SEZ6: variants seen among roughly 807,000 people sequenced by gnomAD.
SEZ6 encodes seizure related 6 homolog.
A neutral mutation model predicts 101.0 loss-of-function variants in SEZ6; 53 were observed. The ratio of observed to expected loss-of-function variants is 0.52; its 90% CI spans 0.42 to 0.66. SEZ6 has a LOEUF of 0.66. Among genes scored for constraint, SEZ6 ranks in the 30% least tolerant of loss-of-function variants. The probability of loss-of-function intolerance (pLI) is 0.00; values close to 1 mark genes in which losing one functional copy is unlikely to be tolerated. For synonymous variants in SEZ6, 488 were observed against 512.2 expected, an observed-to-expected ratio of 0.95 and a Z score of 0.64; for missense variants, 1,102 against 1,289.4, an observed-to-expected ratio of 0.85 and a Z score of 2.23.
chr17:28,986,597 T>C (rs2041387716), intron 1 of SEZ6, among the ~76,000 whole-genome samples: 1 of 152,178 alleles, frequency 6.6e-6, no homozygotes, highest in Non-Finnish European at 1.5e-5. Flanking sequence ...CTGGAGTCAT[T>C]ACGCAGTGCC....
chr17:28,982,096 G>T (rs959820975), intron 1 of SEZ6, 57 bp from the exon 2 acceptor site: 2 of 1,503,264 alleles, frequency 1.3e-6, no homozygotes, highest in South Asian at 1.3e-5. Context: ...GCAGCATCAC[G>T]CCCAACTCGA....
intron 3 of SEZ6, among the ~76,000 whole-genome samples, chr17:28,972,388 T>G (rs2041163717): frequency 6.6e-6 from 1 of 152,206 alleles, no homozygotes; most frequent in Non-Finnish European, 1.5e-5. Context: ...TCCAAGGATA[T>G]GGCTGCTGCG....
Position 28,986,180 on chromosome 17 carries a change from A to T in SEZ6, c.56-4141T>A, listed in dbSNP as rs2041380369. On this transcript the variant is annotated intron_variant, in intron 1 of 16. Coordinates refer to ENST00000317338, the MANE Select transcript of SEZ6 (RefSeq NM_178860.5). ...TAAAGTATTTAGACGAAATGAAAAA[A>T]GGCTTTCATCGGCACTAATGAGCCA... is the stretch of plus-strand genomic sequence containing the variant. 3.3e-5 allele frequency among the ~76,000 whole-genome samples: 5 copies of T among 152,246 alleles called. No individual in the cohort carries two copies. In the South Asian group the frequency reaches 1.0e-3, roughly 32 times the overall value.
chr17:28,973,442 G>T (rs2041180730), intron 3 of SEZ6, among the ~76,000 whole-genome samples: 1 of 152,230 alleles, frequency 6.6e-6, no homozygotes, highest in Non-Finnish European at 1.5e-5. Context: ...AGTCTGTAAA[G>T]CTGGGAAAAC....
intron 1 of SEZ6, among the ~76,000 whole-genome samples, chr17:28,986,085 G>A (rs966332645): frequency 6.6e-6 from 1 of 152,160 alleles, no homozygotes; most frequent in Admixed American, 6.5e-5. Context: ...GCATGGCCCC[G>A]CCGCCGCCTG....
Position 29,005,941 on chromosome 17 carries a change from C to A in SEZ6, c.-72G>T. ...CGGGGGGCTTGGTGGGGCTTGGGCG[C>A]GGGGGCAGAGCCGGGTCCGGCCGGG... is the stretch of plus-strand genomic sequence containing the variant. On this transcript the variant is annotated 5_prime_UTR_variant, in exon 1 of 17. Transcript: ENST00000317338. The surrounding 1 kb of genome is among the most constrained non-coding windows in gnomAD (Gnocchi z 4.8). 7.9e-7 allele frequency: 1 copy of A among 1,270,920 alleles called. No homozygotes were observed. Among genetic ancestry groups the A allele is most frequent in the Non-Finnish European group, 1.0e-6 (1 of 985,748 alleles). The allele number at this position is 1,270,920 out of a possible 1,614,324, so 78.7% of individuals were successfully genotyped here.
chr17:28,998,654 G>T (rs1461184049), intron 1 of SEZ6, among the ~76,000 whole-genome samples: 1 of 152,140 alleles, frequency 6.6e-6, no homozygotes, highest in Non-Finnish European at 1.5e-5. Flanking sequence ...CTTGAGAGGA[G>T]GGTCCTCCAA....
At chr17:28,974,807 G>C (rs999099287) in intron 3 of SEZ6, among the ~76,000 whole-genome samples, 4 of 152,206 alleles carry the variant, frequency 2.6e-5, no homozygotes, top group Non-Finnish European at 5.9e-5. Flanking sequence ...ATCCTGACAG[G>C]TACCGGTCTC....
chr17:28,992,085 A>T (rs1189152921), intron 1 of SEZ6, among the ~76,000 whole-genome samples: 1 of 152,220 alleles, frequency 6.6e-6, no homozygotes, highest in African/African-American at 2.4e-5. Flanking sequence ...GGCCTCGGGC[A>T]CAGGAGAGGC....
intron 1 of SEZ6, among the ~76,000 whole-genome samples, chr17:28,990,169 C>T (rs1452269349): frequency 6.6e-6 from 1 of 152,192 alleles, no homozygotes; most frequent in Non-Finnish European, 1.5e-5. Flanking sequence ...AGTTAGCAGC[C>T]GTTATTCTGG....
At chr17:28,974,927 C>G (rs1651309982) in intron 3 of SEZ6, among the ~76,000 whole-genome samples, 1 of 152,210 alleles carries the variant, frequency 6.6e-6, no homozygotes. Context: ...GGCTCAATCA[C>G]TGACCAGTTG....
chr17:28,969,588 ACG>A (rs1598188997), intron 4 of SEZ6, among the ~76,000 whole-genome samples, 167 bp downstream of exon 4: 1 of 152,180 alleles, frequency 6.6e-6, no homozygotes, highest in East Asian at 1.9e-4. Flanking sequence ...GGTTTCAGAT[ACG>A]CGATACTTAC....
In SEZ6 at chr17:28,958,048, A is replaced by G; in HGVS notation, c.2201T>C (p.Val734Ala). The change falls in exon 11 of 17, where the codon GTC becomes GCC. Residue 734 changes from valine (V) to alanine (A), a missense_variant. Around this residue, in one of 3 missense-constraint regions of SEZ6, gnomAD observed 556 missense variants for 735.1 expected, o/e 0.76. Coordinates refer to ENST00000317338, the MANE Select transcript of SEZ6 (RefSeq NM_178860.5). ...SQPELVHGTVVTYQCYPGYQV... is the reference protein window; with the variant it reads ...SQPELVHGTVATYQCYPGYQV... ...GTAGCCAGGGTAGCACTGGTAAGTG[A>G]CCACGGTGCCGTGCACTAGCTCAGG... is the stretch of plus-strand genomic sequence containing the variant. The G allele has an allele frequency of 6.2e-7, 1 of 1,613,848 alleles. No individual in the cohort carries two copies. Among genetic ancestry groups the G allele is most frequent in the Non-Finnish European group, 8.5e-7 (1 of 1,179,772 alleles).
In SEZ6 at chr17:28,959,905, G is replaced by A. The variant is rs1039357670; in HGVS notation, c.1577-13C>T. On this transcript the variant is annotated splice_polypyrimidine_tract_variant and intron_variant, in intron 7 of 16. Transcript: ENST00000317338. The surrounding 1 kb of genome is among the most constrained non-coding windows in gnomAD (Gnocchi z 4.4). The stretch of plus-strand genomic sequence containing the variant: ...CCCTGCTGGAAGGCTGTAAACCACA[G>A]GTCCCAGCCCAGCTCAGCCTTGACT... 1.3e-6 allele frequency: 2 copies of A among 1,597,714 alleles called. No homozygotes were observed. The highest frequency in any genetic ancestry group is 2.7e-5 in the African/African-American group (2 of 74,518).
Position 29,005,874 on chromosome 17 carries a change from C to G in SEZ6, c.-5G>C. The G allele has an allele frequency of 6.9e-7, 1 of 1,455,242 alleles. No individual in the cohort carries two copies. Among genetic ancestry groups the G allele is most frequent in the Admixed American group, 2.3e-5 (1 of 44,226 alleles). 90.1% of individuals were successfully genotyped at this position (1,455,242 alleles called of 1,614,324 possible). ...CAGCAGGGCTACCGGGCGCATGGTG[C>G]TGGTTGCGGCCGCGCCCTGGGCTGG... On this transcript the variant is annotated 5_prime_UTR_variant, in exon 1 of 17. Transcript: ENST00000317338. This position sits in a 1 kb window ranked among gnomAD's most constrained non-coding sequence, Gnocchi z 4.8.
At position 28,960,164 on chromosome 17, in the gene SEZ6, T is replaced by C. The variant is rs1418998555; in HGVS notation, c.1577-272A>G. The C allele has an allele frequency of 1.2e-5, 7 of 575,216 alleles. No individual in the cohort carries two copies. The Admixed American group carries it at 1.8e-4, about 15-fold the overall frequency. The allele number at this position is 575,216 out of a possible 1,614,324, so 35.6% of individuals were successfully genotyped here. A position where few individuals can be genotyped will look rare whatever the true frequency, so the allele number is the denominator to read the frequency against. Reference sequence around the variant, plus strand: ...AGGTACTCCATACATGTTTTTTGAATGAATTAATCAATGCATGCATGCATA... The same window carrying C: ...AGGTACTCCATACATGTTTTTTGAACGAATTAATCAATGCATGCATGCATA... On this transcript the variant is annotated intron_variant, in intron 7 of 16. Coordinates refer to ENST00000317338, the MANE Select transcript of SEZ6 (RefSeq NM_178860.5).
In SEZ6 at chr17:28,981,036, C is replaced by A. The variant is rs56064231; in HGVS notation, c.724+335G>T. 9.5e-3 allele frequency among the ~76,000 whole-genome samples: 1,449 copies of A among 152,286 alleles called. 18 individuals are homozygous for A. The highest frequency in any genetic ancestry group is 0.015 in the Non-Finnish European group (1,027 of 68,022). On this transcript the variant is annotated intron_variant, in intron 2 of 16. Coordinates refer to ENST00000317338, the MANE Select transcript of SEZ6 (RefSeq NM_178860.5). The stretch of plus-strand genomic sequence containing the variant: ...TCAGCCTCCCGAGTAGCTGGGATTA[C>A]AGGTGCCCACCACCATGCCCGGCTC...
At chr17:28,994,116 T>C (rs947730821) in intron 1 of SEZ6, among the ~76,000 whole-genome samples, 1 of 152,190 alleles carries the variant, frequency 6.6e-6, no homozygotes, top group Non-Finnish European at 1.5e-5. Context: ...GTCCCTAGCA[T>C]GTCTGTTCTT....
At position 28,959,686 on chromosome 17, in the gene SEZ6, G is replaced by T. The variant is rs373755715; in HGVS notation, c.1771+12C>A. On this transcript the variant is annotated intron_variant, in intron 8 of 16. Coordinates refer to ENST00000317338, the MANE Select transcript of SEZ6 (RefSeq NM_178860.5). The surrounding 1 kb of genome is among the most constrained non-coding windows in gnomAD (Gnocchi z 4.4). ...TTTTGCCCGGTAGGCCCATCCACTGGTGTCTACTGACCTCGGCAGGCTGGC... is the reference window on the plus strand; with the variant it reads ...TTTTGCCCGGTAGGCCCATCCACTGTTGTCTACTGACCTCGGCAGGCTGGC... 2 of 1,574,574 alleles carry T rather than the reference G, an allele frequency of 1.3e-6. No homozygotes were observed. Among genetic ancestry groups the T allele is most frequent in the African/African-American group, 2.7e-5 (2 of 74,262 alleles).
Sources: allele counts gnomAD v4.1 joint callset (sites outside exome capture counted in the v4.1 genomes callset), GRCh38; gene constraint gnomAD v4.1.1; regional missense constraint gnomAD v4.1.1; non-coding constraint Gnocchi (gnomAD v3.1); transcripts MANE v1.5; gene names NCBI Gene and HGNC (gene_info 2026-07-23, HGNC 2026-07-21).